The following IFT80 variants were observed in gnomAD, a reference collection of about 807,000 sequenced individuals.
IFT80 encodes the protein intraflagellar transport 80.
A neutral mutation model predicts 107.9 loss-of-function variants in IFT80; 79 were observed. That is an observed-to-expected ratio of 0.73 (90% CI 0.61 to 0.88). The LOEUF (loss-of-function observed/expected upper bound fraction) is 0.88. Among genes scored for constraint, IFT80 ranks in the 40% least tolerant of loss-of-function variants. IFT80 has a pLI of 0.00. For missense variants in IFT80, 797 were observed against 914.2 expected (o/e 0.87, Z 1.65); for synonymous variants, 299 against 300.9 (o/e 0.99, Z 0.07).
chr3:160,374,577 T>C (rs1448070808), intron 5 of IFT80, among the ~76,000 whole-genome samples: 6 of 152,156 alleles, frequency 3.9e-5, no homozygotes, highest in South Asian at 2.1e-4. Context: ...TGCTGCACAC[T>C]GTCTCAGTAG....
chr3:160,259,934 G>A lies in IFT80; in HGVS notation c.2224-1299C>T, dbSNP rs373372594. Among the ~76,000 whole-genome samples the A allele has an allele frequency of 1.8e-4, 28 of 152,334 alleles. No individual in the cohort carries two copies. The East Asian group carries it at 3.7e-3, about 20-fold the overall frequency. ...TCACCTCTGTTTAGGGGAGTTGAAT[G>A]GAATAAGTAGTATTAAAGCAGAATG... is the stretch of plus-strand genomic sequence containing the variant. On this transcript the variant is annotated intron_variant, in intron 19 of 19. Coordinates refer to ENST00000326448, the MANE Select transcript of IFT80 (RefSeq NM_020800.3).
chr3:160,263,343 C>T (rs986497425), intron 19 of IFT80, among the ~76,000 whole-genome samples: 2 of 152,188 alleles, frequency 1.3e-5, no homozygotes, highest in Non-Finnish European at 2.9e-5. Context: ...ACTCACCACG[C>T]TCGCCTCTAA....
chr3:160,365,292 T>C (rs1055848436), intron 6 of IFT80, among the ~76,000 whole-genome samples: 3 of 152,106 alleles, frequency 2.0e-5, no homozygotes, highest in African/African-American at 7.2e-5. Context: ...AAAATGTAAA[T>C]GCATTTTGGC....
At chr3:160,329,369 T>C (rs1229286245) in intron 8 of IFT80, among the ~76,000 whole-genome samples, 2 of 152,134 alleles carry the variant, frequency 1.3e-5, no homozygotes, top group Admixed American at 1.3e-4. Context: ...TGGGTGTAAT[T>C]TAGTGGTACT....
In IFT80 at chr3:160,390,020, G is replaced by A. The variant is rs114172793; in HGVS notation, c.-46-5374C>T. Among the ~76,000 whole-genome samples the A allele has an allele frequency of 4.5e-3, 684 of 152,256 alleles. 7 individuals are homozygous for A. The highest frequency in any genetic ancestry group is 0.016 in the African/African-American group (654 of 41,554). On this transcript the variant is annotated intron_variant, in intron 1 of 19. Coordinates refer to ENST00000326448, the MANE Select transcript of IFT80 (RefSeq NM_020800.3). ...GGGACCAGGAGATTTTAGACAGGAA[G>A]GAGAAACAGAATCAACTGTCCAGAT... is the stretch of plus-strand genomic sequence containing the variant.
intron 19 of IFT80, among the ~76,000 whole-genome samples, chr3:160,262,991 A>G (rs1344211990): frequency 6.6e-6 from 1 of 152,056 alleles, no homozygotes; most frequent in African/African-American, 2.4e-5. Flanking sequence ...TTTTGTGTTC[A>G]TATTTATATT....
chr3:160,383,087 T>C (rs1712652992), intron 2 of IFT80, among the ~76,000 whole-genome samples: 1 of 152,144 alleles, frequency 6.6e-6, no homozygotes, highest in African/African-American at 2.4e-5. Flanking sequence ...CAAACAAATA[T>C]GTACACATCT....
chr3:160,272,430 T>G (rs1242232862), intron 18 of IFT80, among the ~76,000 whole-genome samples: 2 of 152,102 alleles, frequency 1.3e-5, no homozygotes, highest in African/African-American at 4.8e-5. Flanking sequence ...AGGGTAGAAA[T>G]TGTTCACAAA....
In IFT80 at chr3:160,279,302, G is replaced by A. The variant is rs1287398294; in HGVS notation, c.1727C>T (p.Ala576Val). Residue 576 changes from alanine to valine, a missense_variant, in exon 16 of 20, where the codon GCT (alanine) becomes GTT (valine). Coordinates refer to ENST00000326448, the MANE Select transcript of IFT80 (RefSeq NM_020800.3). ...GCTGATGTGAACCAGGGAGCCATCA[G>A]CTCTTCTAATAGTTACTTGATTTCC... ...FVGNQVTIRR[A>V]DGSLVHISIT... 2 of 1,612,640 alleles carry A rather than the reference G, an allele frequency of 1.2e-6. No individual in the cohort carries two copies. Among genetic ancestry groups the A allele is most frequent in the Non-Finnish European group, 1.7e-6 (2 of 1,178,770 alleles).
intron 12 of IFT80, among the ~76,000 whole-genome samples, chr3:160,288,754 T>C (rs895228969): frequency 1.3e-5 from 2 of 152,148 alleles, no homozygotes; most frequent in Non-Finnish European, 2.9e-5. Context: ...AAAACCACAA[T>C]GAGATACCAT....
At chr3:160,285,896 T>C (rs1439847348) in intron 12 of IFT80, 28 bp from the exon 13 acceptor site, 4 of 1,505,912 alleles carry the variant, frequency 2.7e-6, no homozygotes, top group African/African-American at 2.8e-5. Flanking sequence ...CATTAATTAA[T>C]GTGTTATATT....
intron 9 of IFT80, among the ~76,000 whole-genome samples, chr3:160,311,808 G>A (rs969543979): frequency 2.0e-5 from 3 of 152,098 alleles, no homozygotes; most frequent in East Asian, 1.9e-4. Context: ...ATGGAGTCTC[G>A]CACTGTCTCC....
chr3:160,363,366 G>A (rs1576873450), intron 6 of IFT80, among the ~76,000 whole-genome samples: 1 of 152,210 alleles, frequency 6.6e-6, no homozygotes, highest in South Asian at 2.1e-4. Flanking sequence ...AATAAAGGAG[G>A]ACACAAACAA....
chr3:160,389,080 T>C (rs1713159329), intron 1 of IFT80, among the ~76,000 whole-genome samples: 1 of 152,194 alleles, frequency 6.6e-6, no homozygotes, highest in Non-Finnish European at 1.5e-5. Flanking sequence ...TGGTAATTTG[T>C]TACAGCAATA....
At chr3:160,380,868 T>C (rs1254067159) in intron 3 of IFT80, among the ~76,000 whole-genome samples, 1 of 152,156 alleles carries the variant, frequency 6.6e-6, no homozygotes, top group Non-Finnish European at 1.5e-5. Context: ...AGTGTGGTTA[T>C]ATTAAGTTAA....
intron 1 of IFT80, among the ~76,000 whole-genome samples, chr3:160,393,657 TA>T (rs893226407): frequency 1.3e-5 from 2 of 152,036 alleles, no homozygotes; most frequent in South Asian, 4.2e-4. Flanking sequence ...CTGTACACTT[TA>T]AAAAAAAGAT....
chr3:160,380,184 C>T (rs1712365102), intron 3 of IFT80, among the ~76,000 whole-genome samples: 1 of 151,908 alleles, frequency 6.6e-6, no homozygotes, highest in Admixed American at 6.6e-5. Flanking sequence ...AGGCATGTGC[C>T]ACCATGCCTA....
chr3:160,355,069 C>T (rs1218513430), intron 8 of IFT80, among the ~76,000 whole-genome samples: 4 of 152,120 alleles, frequency 2.6e-5, no homozygotes, highest in African/African-American at 7.2e-5. Context: ...CATAATGCTG[C>T]TGCTTTTGGG....
intron 12 of IFT80, among the ~76,000 whole-genome samples, chr3:160,290,450 T>G (rs1165206450): frequency 6.7e-6 from 1 of 149,380 alleles, no homozygotes; most frequent in Non-Finnish European, 1.5e-5. Context: ...AAAAAGAAAG[T>G]CCTAATGGGA....
Sources: gnomAD v4.1 joint callset for allele counts (sites outside exome capture counted in the v4.1 genomes callset) on GRCh38, gnomAD v4.1.1 for gene constraint, MANE v1.5 for transcripts, NCBI Gene and HGNC (gene_info 2026-07-23, HGNC 2026-07-21) for gene names.